Variants in LMBR1 observed in about 807,000 individuals in gnomAD.
The protein encoded by LMBR1 is limb region 1 protein homolog.
LMBR1 carries 52 observed loss-of-function variants against 73.9 expected under a neutral mutation model. The ratio of observed to expected loss-of-function variants is 0.70; its 90% confidence interval spans 0.56 to 0.89. The LOEUF is 0.89. Ranked by LOEUF, LMBR1 falls within the 40% of genes least tolerant of loss-of-function variation. The pLI is 0.00. For missense variants in LMBR1, 539 were observed against 579.8 expected (o/e 0.93, Z 0.72); for synonymous variants, 215 against 209.4 (o/e 1.03, Z -0.23).
chr7:156,878,047 A>G (rs191182244), intron 1 of LMBR1, among the ~76,000 whole-genome samples: 90 of 152,342 alleles, frequency 5.9e-4, no homozygotes, highest in African/African-American at 2.0e-3. Flanking sequence ...TACAAGGGAC[A>G]TATCTCAATG....
chr7:156,735,347 C>T (rs1180572457), intron 9 of LMBR1, among the ~76,000 whole-genome samples: 3 of 152,060 alleles, frequency 2.0e-5, no homozygotes, highest in African/African-American at 7.2e-5. Flanking sequence ...CTTCCTGTTA[C>T]TTTAACATGC....
intron 1 of LMBR1, among the ~76,000 whole-genome samples, chr7:156,856,004 G>T (rs1028384457): frequency 6.6e-6 from 1 of 152,112 alleles, no homozygotes; most frequent in Non-Finnish European, 1.5e-5. Flanking sequence ...GACCATCCTG[G>T]CTAACAAGGT....
intron 8 of LMBR1, among the ~76,000 whole-genome samples, chr7:156,756,828 T>C (rs533359745): frequency 1.3e-5 from 2 of 152,306 alleles, no homozygotes; most frequent in South Asian, 4.1e-4. Context: ...GTTTGTTTGT[T>C]TGTTTGAGAC....
chr7:156,792,635 A>G (rs1829413265), intron 5 of LMBR1, among the ~76,000 whole-genome samples: 1 of 152,258 alleles, frequency 6.6e-6, no homozygotes, highest in African/African-American at 2.4e-5. Flanking sequence ...AGGCCCTTAA[A>G]AGGACATAGT....
rs1050748814 is a variant in LMBR1 at position 156,740,904 on chromosome 7, A to T, written c.758-6647T>A. On this transcript the variant is annotated intron_variant, in intron 9 of 16. Coordinates refer to ENST00000353442, the MANE Select transcript of LMBR1 (RefSeq NM_022458.4). ...TAAACTACTCTTATCGTAAGTAGAA[A>T]GATTAAATGACGAACCAATCAAAAA... Among the ~76,000 whole-genome samples, 4 of 152,260 alleles carry T rather than the reference A, an allele frequency of 2.6e-5. No homozygotes were observed. The East Asian group carries it at 7.7e-4, about 29-fold the overall frequency.
intron 1 of LMBR1, among the ~76,000 whole-genome samples, chr7:156,838,523 T>C (rs1445302062): frequency 1.3e-5 from 2 of 152,226 alleles, no homozygotes; most frequent in African/African-American, 4.8e-5. Flanking sequence ...TCCAGGTTCA[T>C]CCATCTTGCT....
At position 156,678,525 on chromosome 7, in the gene LMBR1, T is replaced by C. The variant is rs1346833230; in HGVS notation, c.*5553A>G. 2 of 152,198 alleles carry C rather than the reference T, an allele frequency of 1.3e-5. No homozygotes were observed. The highest frequency in any genetic ancestry group is 2.9e-5 in the Non-Finnish European group (2 of 68,034). 9.4% of individuals were successfully genotyped at this position (152,198 alleles called of 1,614,324 possible). A position where few individuals can be genotyped will look rare whatever the true frequency, so the allele number is the denominator to read the frequency against. On this transcript the variant is annotated 3_prime_UTR_variant, in exon 17 of 17. Coordinates refer to ENST00000353442, the MANE Select transcript of LMBR1 (RefSeq NM_022458.4). ...GATAACGCCACATTGTCAGGTCAAG[T>C]CAGGAAAACAGTGCAAGCTTTTATA... is the stretch of plus-strand genomic sequence containing the variant.
chr7:156,829,635 A>T (rs1247945849), intron 3 of LMBR1, among the ~76,000 whole-genome samples: 1 of 152,168 alleles, frequency 6.6e-6, no homozygotes, highest in East Asian at 1.9e-4. Context: ...GCAACACATA[A>T]CAGACTAACA....
At chr7:156,737,922 G>A (rs555022049) in intron 9 of LMBR1, among the ~76,000 whole-genome samples, 2 of 152,304 alleles carry the variant, frequency 1.3e-5, no homozygotes, top group South Asian at 4.2e-4. Flanking sequence ...GGCGGAGCAA[G>A]ATGACCAAAT....
chr7:156,807,617 G>A (rs1255043643), intron 4 of LMBR1, among the ~76,000 whole-genome samples: 3 of 151,880 alleles, frequency 2.0e-5, no homozygotes, highest in East Asian at 3.9e-4. Context: ...GTTCTTCTTG[G>A]TGATTTCCTG....
chr7:156,853,333 T>TA (rs910858038), intron 1 of LMBR1, among the ~76,000 whole-genome samples: 9 of 150,244 alleles, frequency 6.0e-5, no homozygotes, highest in Admixed American at 2.0e-4. Flanking sequence ...CTTTCTCTTT[T>TA]AAAAAAAAAT....
downstream of LMBR1, chr7:156,676,876 T>G (rs781393921): frequency 2.1e-5 from 11 of 529,890 alleles, no homozygotes; most frequent in Non-Finnish European, 3.4e-5. Context: ...ATGAGTTTAA[T>G]CACTTCAAAT....
intron 9 of LMBR1, among the ~76,000 whole-genome samples, chr7:156,740,329 G>A (rs12333425): frequency 0.071 from 10,773 of 152,180 alleles, 534 homozygotes; most frequent in East Asian, 0.15. Flanking sequence ...GAGGTAGGAA[G>A]TTTATTCAAA....
chr7:156,716,199 C>A (rs1477093101), intron 15 of LMBR1, among the ~76,000 whole-genome samples: 1 of 152,122 alleles, frequency 6.6e-6, no homozygotes. Context: ...GACACCTTCA[C>A]GTGTGATGCA....
chr7:156,728,750 A>T (rs1464210902), intron 10 of LMBR1, 30 bp from the exon 11 acceptor site: 1 of 1,456,222 alleles, frequency 6.9e-7, no homozygotes, highest in Non-Finnish European at 9.4e-7. Context: ...AATAAAACAA[A>T]GTTTTCTCCA....
At position 156,681,761 on chromosome 7, in the gene LMBR1, A is replaced by T. The variant is rs1805076036; in HGVS notation, c.*2317T>A. ...TCTGCAGCTCTGCCTTCCAGGGTCT[A>T]TCTCCTCTCTTTCACTGGCGTGCAG... On this transcript the variant is annotated 3_prime_UTR_variant, in exon 17 of 17. Coordinates refer to ENST00000353442, the MANE Select transcript of LMBR1 (RefSeq NM_022458.4). 1 of 152,304 alleles carries T rather than the reference A, an allele frequency of 6.6e-6. No individual in the cohort carries two copies. Among genetic ancestry groups the T allele is most frequent in the Non-Finnish European group, 1.5e-5 (1 of 68,102 alleles). 9.4% of individuals were successfully genotyped at this position (152,304 alleles called of 1,614,324 possible).
intron 4 of LMBR1, among the ~76,000 whole-genome samples, chr7:156,796,978 G>C (rs1054879801): frequency 6.6e-6 from 1 of 152,096 alleles, no homozygotes; most frequent in Admixed American, 6.5e-5. Context: ...GACATTATCC[G>C]AACTCATTTA....
Position 156,695,557 on chromosome 7 carries a change from C to T in LMBR1, c.1226-7366G>A, listed in dbSNP as rs1046524985. Among the ~76,000 whole-genome samples the T allele has an allele frequency of 6.6e-5, 10 of 152,024 alleles. 1 individual carries two copies. Among genetic ancestry groups the T allele is most frequent in the Admixed American group, 5.9e-4 (9 of 15,258 alleles). On this transcript the variant is annotated intron_variant, in intron 15 of 16. Transcript: ENST00000353442. The stretch of plus-strand genomic sequence containing the variant: ...GCAAAGGGTTGGGGGAGGCACCCGA[C>T]ACTTTTAGACAACCAGGTCTCACAA...
At chr7:156,814,703 T>C (rs1833630822) in intron 4 of LMBR1, among the ~76,000 whole-genome samples, 1 of 152,222 alleles carries the variant, frequency 6.6e-6, no homozygotes, top group African/African-American at 2.4e-5. Flanking sequence ...CTATCACAAA[T>C]ACGTGACCTT....
Sources: gnomAD v4.1 joint callset for allele counts (sites outside exome capture counted in the v4.1 genomes callset) on GRCh38, gnomAD v4.1.1 for gene constraint, MANE v1.5 for transcripts, NCBI Gene and HGNC (gene_info 2026-07-23, HGNC 2026-07-21) for gene names.